The following HTR4 variants were observed in gnomAD, a reference collection of about 807,000 sequenced individuals.
The protein encoded by HTR4 is 5-hydroxytryptamine receptor 4.
A neutral mutation model predicts 36.8 loss-of-function variants in HTR4; 16 were observed. The ratio of observed to expected loss-of-function variants is 0.43; its 90% CI spans 0.29 to 0.66. The LOEUF (loss-of-function observed/expected upper bound fraction) is 0.66, where lower values mean the gene tolerates loss of function less well. Ranked by LOEUF, HTR4 falls within the 30% of genes least tolerant of loss-of-function variation. The pLI is 0.13. For synonymous variants in HTR4, 189 were observed against 185.1 expected (o/e 1.02, Z -0.17); for missense variants, 438 against 490.9 (o/e 0.89, Z 1.02).
chr5:148,589,413 TATCAAATGGC>T (rs1333275521), intron 2 of HTR4, among the ~76,000 whole-genome samples: 1 of 152,174 alleles, frequency 6.6e-6, no homozygotes, highest in African/African-American at 2.4e-5. Context: ...ATATGATGAG[TATCAAATGGC>T]ATCTCATTGT....
At chr5:148,594,635 T>G (rs1761701717) in intron 2 of HTR4, among the ~76,000 whole-genome samples, 1 of 152,080 alleles carries the variant, frequency 6.6e-6, no homozygotes, top group South Asian at 2.1e-4. Flanking sequence ...CCTTCTCCTA[T>G]CTACCCGCAA....
intron 1 of HTR4, 118 bp from the exon 2 acceptor site, chr5:148,637,179 A>G (rs1753574900): frequency 2.9e-6 from 2 of 692,262 alleles, no homozygotes; most frequent in Non-Finnish European, 5.0e-6. Flanking sequence ...TTGTGGAAAT[A>G]TTTAATAAAC....
intron 2 of HTR4, among the ~76,000 whole-genome samples, chr5:148,591,320 T>G (rs1370769292): frequency 6.6e-6 from 1 of 152,188 alleles, no homozygotes; most frequent in Non-Finnish European, 1.5e-5. Flanking sequence ...GGCTCTTTTT[T>G]GGTTCCATAT....
chr5:148,602,195 C>T (rs763229462), intron 2 of HTR4, among the ~76,000 whole-genome samples: 22 of 152,048 alleles, frequency 1.4e-4, no homozygotes, highest in African/African-American at 4.1e-4. Context: ...AGGTAAAGGT[C>T]GTGTCTATGG....
intron 6 of HTR4, among the ~76,000 whole-genome samples, chr5:148,483,776 T>C (rs1396064669): frequency 2.0e-5 from 3 of 152,160 alleles, no homozygotes; most frequent in Non-Finnish European, 4.4e-5. Context: ...TCATCATCAA[T>C]TGGGTTTATT....
At chr5:148,504,555 T>C (rs1458104843) in intron 6 of HTR4, among the ~76,000 whole-genome samples, 2 of 152,054 alleles carry the variant, frequency 1.3e-5, no homozygotes, top group Admixed American at 6.6e-5. Flanking sequence ...AGATCTAAAA[T>C]TGACACCCTA....
intron 2 of HTR4, among the ~76,000 whole-genome samples, chr5:148,581,074 G>T (rs539548062): frequency 4.3e-4 from 65 of 151,542 alleles, no homozygotes; most frequent in East Asian, 3.1e-3. Context: ...ATATCTCAAT[G>T]TTTTTGATTT....
At chr5:148,524,345 G>A (rs1758162391) in intron 4 of HTR4, among the ~76,000 whole-genome samples, 1 of 152,176 alleles carries the variant, frequency 6.6e-6, no homozygotes, top group Non-Finnish European at 1.5e-5. Context: ...TACTAAGAAT[G>A]TAAAATTTTG....
intron 2 of HTR4, among the ~76,000 whole-genome samples, chr5:148,590,639 T>G (rs948180424): frequency 6.6e-6 from 1 of 152,174 alleles, no homozygotes; most frequent in Admixed American, 6.5e-5. Flanking sequence ...ACTCCATCCT[T>G]CATACTTAAG....
rs375015136 is a variant in HTR4 at position 148,521,204 on chromosome 5, A to T, written c.507+1989T>A. On this transcript the variant is annotated intron_variant, in intron 5 of 6. Transcript: ENST00000377888. ...CTTCATTGTAAGTTTAGTATGTCAA[A>T]GCTGGAGGACTCTTAAAGGTTAGTA... 1.2e-4 allele frequency among the ~76,000 whole-genome samples: 19 copies of T among 152,344 alleles called. No homozygotes were observed. In the South Asian group the frequency reaches 3.5e-3, roughly 28 times the overall value.
chr5:148,590,293 T>TC (rs1367830561), intron 2 of HTR4, among the ~76,000 whole-genome samples: 1 of 120,318 alleles, frequency 8.3e-6, no homozygotes, highest in Non-Finnish European at 1.7e-5. Flanking sequence ...TTTTCTTTTT[T>TC]TTTTTTTTTT....
intron 2 of HTR4, among the ~76,000 whole-genome samples, chr5:148,613,995 A>G (rs1377182802): frequency 1.3e-5 from 2 of 150,994 alleles, no homozygotes; most frequent in African/African-American, 2.4e-5. Context: ...GACCTCTTCA[A>G]GGAGAACTAC....
At chr5:148,537,505 GAAGAA>G (rs1238877280) in intron 4 of HTR4, among the ~76,000 whole-genome samples, 1 of 151,976 alleles carries the variant, frequency 6.6e-6, no homozygotes, top group African/African-American at 2.4e-5. Context: ...AAGTAATAAA[GAAGAA>G]AAGAGAGAGA....
At chr5:148,645,548 C>G (rs1753856137) in intron 1 of HTR4, 1 of 152,156 alleles carries the variant, frequency 6.6e-6, no homozygotes, top group South Asian at 2.1e-4. Context: ...GGAATCTGTC[C>G]TAGTTCTATT....
intron 2 of HTR4, among the ~76,000 whole-genome samples, chr5:148,563,186 C>T (rs961059571): frequency 6.6e-6 from 1 of 152,152 alleles, no homozygotes; most frequent in Non-Finnish European, 1.5e-5. Context: ...AGGCTGCTCC[C>T]GCTAAGGAGA....
chr5:148,476,751 A>G (rs368981210), downstream of HTR4: 10 of 1,613,310 alleles, frequency 6.2e-6, no homozygotes, highest in African/African-American at 1.3e-4. Context: ...AAAATCTGGT[A>G]GGAGAGATCA....
rs1353123057 is a variant in HTR4, at chr5:148,634,891, G to A, written c.26+2098C>T. ...CTTATGTAGGCACTTTTCCAAGTGG[G>A]GACATCCCTTATCAAAGAAGAATTT... On this transcript the variant is annotated intron_variant, in intron 2 of 6. Transcript: ENST00000377888. Among the ~76,000 whole-genome samples the A allele has an allele frequency of 4.6e-5, 7 of 151,942 alleles. No homozygotes were observed. In the East Asian group the frequency reaches 1.3e-3, roughly 29 times the overall value.
intron 1 of HTR4, among the ~76,000 whole-genome samples, chr5:148,643,180 T>G (rs1049789691): frequency 2.6e-5 from 4 of 152,156 alleles, no homozygotes; most frequent in Non-Finnish European, 5.9e-5. Flanking sequence ...GTTTTTAACT[T>G]TTTTAAAAGT....
At chr5:148,608,254 A>G (rs934450152) in intron 2 of HTR4, among the ~76,000 whole-genome samples, 1 of 152,236 alleles carries the variant, frequency 6.6e-6, no homozygotes, top group Non-Finnish European at 1.5e-5. Flanking sequence ...GCCTGCCTTC[A>G]TGTATCTTAA....
Sources: allele counts gnomAD v4.1 joint callset (sites outside exome capture counted in the v4.1 genomes callset), GRCh38; gene constraint gnomAD v4.1.1; transcripts MANE v1.5; gene names NCBI Gene and HGNC (gene_info 2026-07-23, HGNC 2026-07-21).